Variants in CRPPA observed in about 807,000 individuals in gnomAD.
CRPPA encodes the protein D-ribitol-5-phosphate cytidylyltransferase.
In CRPPA, 43 loss-of-function variants were observed where a neutral mutation model predicts 52.0. That is an observed-to-expected ratio of 0.83 (90% CI 0.65 to 1.07). The LOEUF (loss-of-function observed/expected upper bound fraction) is 1.07. Ranked by LOEUF, CRPPA falls within the 50% of genes least tolerant of loss-of-function variation. CRPPA has a pLI of 0.00. For synonymous variants in CRPPA, 250 were observed against 203.5 expected (o/e 1.23, Z -1.94); for missense variants, 629 against 551.7 (o/e 1.14, Z -1.40).
intron 9 of CRPPA, among the ~76,000 whole-genome samples, chr7:16,175,309 C>A (rs1209982454): frequency 6.6e-6 from 1 of 152,074 alleles, no homozygotes; most frequent in African/African-American, 2.4e-5. Flanking sequence ...ACTATAAATA[C>A]AGTAGATTAA....
At chr7:16,272,904 T>C (rs1158837075) in intron 6 of CRPPA, among the ~76,000 whole-genome samples, 1 of 152,098 alleles carries the variant, frequency 6.6e-6, no homozygotes, top group Non-Finnish European at 1.5e-5. Flanking sequence ...GGGTTATTTT[T>C]TTTCCATTTA....
chr7:16,234,379 A>C (rs1185748798), intron 8 of CRPPA, among the ~76,000 whole-genome samples: 2 of 152,186 alleles, frequency 1.3e-5, no homozygotes, highest in African/African-American at 4.8e-5. Flanking sequence ...ATTTATTGAC[A>C]CAATAAGATG....
chr7:16,133,246 G>A (rs1249381551), intron 9 of CRPPA, among the ~76,000 whole-genome samples: 1 of 122,258 alleles, frequency 8.2e-6, no homozygotes, highest in Non-Finnish European at 1.9e-5. Context: ...GAACCCAGGA[G>A]GTGGAGGTTG....
At chr7:16,216,014 C>T in intron 9 of CRPPA, 52 bp downstream of exon 9, 2 of 1,370,136 alleles carry the variant, frequency 1.5e-6, no homozygotes, top group South Asian at 2.8e-5. Context: ...AGATACCTAC[C>T]ATTAAAACTA....
chr7:16,144,818 CAGA>C, intron 9 of CRPPA, among the ~76,000 whole-genome samples: 1 of 152,166 alleles, frequency 6.6e-6, no homozygotes, highest in Non-Finnish European at 1.5e-5. Flanking sequence ...GTCAACAGTG[CAGA>C]GCTAAGCAGT....
intron 9 of CRPPA, among the ~76,000 whole-genome samples, chr7:16,124,876 T>C (rs202064811): frequency 1.4e-5 from 2 of 146,124 alleles, no homozygotes; most frequent in East Asian, 4.1e-4. Flanking sequence ...AATAAAAAAA[T>C]ATATATAATC....
At chr7:16,222,297 G>A (rs1355950915) in intron 8 of CRPPA, among the ~76,000 whole-genome samples, 1 of 118,384 alleles carries the variant, frequency 8.4e-6, no homozygotes, top group South Asian at 3.4e-4. Flanking sequence ...ACTGTGTTGC[G>A]GTGGGGGGAG....
At chr7:16,398,716 G>T (rs1055692067) in intron 2 of CRPPA, among the ~76,000 whole-genome samples, 16 of 151,886 alleles carry the variant, frequency 1.1e-4, no homozygotes, top group Non-Finnish European at 2.9e-5. Context: ...CAACACGTGG[G>T]TGACACGTGA....
intron 8 of CRPPA, among the ~76,000 whole-genome samples, chr7:16,235,469 T>A (rs1427675912): frequency 6.6e-6 from 1 of 151,964 alleles, no homozygotes; most frequent in African/African-American, 2.4e-5. Flanking sequence ...AAAGTATGGG[T>A]CAAGCCTGGT....
chr7:16,222,803 T>A lies in CRPPA; in HGVS notation c.1120-6606A>T, dbSNP rs183312046. ...TCTACTGATCATTTTTAAAACATTT[T>A]AAAAATTTTTACTGATACATAATAC... On this transcript the variant is annotated intron_variant, in intron 8 of 9. Transcript: ENST00000407010. 1.0e-3 allele frequency among the ~76,000 whole-genome samples: 154 copies of A among 152,284 alleles called. 2 individuals are homozygous for A. The East Asian group carries it at 0.026, about 26-fold the overall frequency.
At chr7:16,249,990 G>A (rs1056381577) in intron 8 of CRPPA, among the ~76,000 whole-genome samples, 3 of 152,156 alleles carry the variant, frequency 2.0e-5, no homozygotes, top group African/African-American at 7.2e-5. Flanking sequence ...TTTAAAAAAG[G>A]TTAGACAAAT....
chr7:16,174,469 G>C (rs1261003218), intron 9 of CRPPA, among the ~76,000 whole-genome samples: 8 of 152,110 alleles, frequency 5.3e-5, no homozygotes, highest in Non-Finnish European at 1.0e-4. Context: ...ATAAGCAAAT[G>C]GCAGACTTGG....
In CRPPA at chr7:16,421,446, A is replaced by T; in HGVS notation, c.-124T>A. The stretch of plus-strand genomic sequence containing the variant: ...GGAGAGGGACGCAGAGCGCGCAAGC[A>T]GAAGGCGCCCCCCTCAGCCGTCGGA... On this transcript the variant is annotated 5_prime_UTR_variant, in exon 1 of 10. Transcript: ENST00000407010. 1 of 984,916 alleles carries T rather than the reference A, an allele frequency of 1.0e-6. No individual in the cohort carries two copies. The highest frequency in any genetic ancestry group is 1.3e-6 in the Non-Finnish European group (1 of 770,718). 61.0% of individuals were successfully genotyped at this position (984,916 alleles called of 1,614,324 possible).
intron 2 of CRPPA, among the ~76,000 whole-genome samples, chr7:16,390,850 G>A (rs1328029891): frequency 1.3e-5 from 2 of 152,100 alleles, no homozygotes; most frequent in Non-Finnish European, 2.9e-5. Context: ...AAGGTTACAG[G>A]TCCTCCTGCA....
chr7:16,304,305 C>T (rs1784858988), intron 4 of CRPPA, among the ~76,000 whole-genome samples: 1 of 152,030 alleles, frequency 6.6e-6, no homozygotes, highest in African/African-American at 2.4e-5. Flanking sequence ...ATTTTCTACC[C>T]TGCATGGTGT....
At chr7:16,346,484 C>G (rs1786017238) in intron 3 of CRPPA, among the ~76,000 whole-genome samples, 1 of 151,766 alleles carries the variant, frequency 6.6e-6, no homozygotes, top group Admixed American at 6.6e-5. Flanking sequence ...ACAGGTTCAG[C>G]ACCCATTCTG....
At chr7:16,242,466 T>C (rs1289237548) in intron 8 of CRPPA, among the ~76,000 whole-genome samples, 1 of 152,152 alleles carries the variant, frequency 6.6e-6, no homozygotes, top group Non-Finnish European at 1.5e-5. Flanking sequence ...AAAAAACTTT[T>C]AGAAAATCCT....
Position 16,343,515 on chromosome 7 carries a change from T to C in CRPPA, c.684+32577A>G, listed in dbSNP as rs539663022. ...ACCTGTCTCAAAGTTCCCTGCAAAATCTATTTCCCAATATATGTTTTTAGT... is the reference window on the plus strand; with the variant it reads ...ACCTGTCTCAAAGTTCCCTGCAAAACCTATTTCCCAATATATGTTTTTAGT... On this transcript the variant is annotated intron_variant, in intron 3 of 9. Coordinates refer to ENST00000407010, the MANE Select transcript of CRPPA (RefSeq NM_001101426.4). Among the ~76,000 whole-genome samples, 10 of 152,290 alleles carry C rather than the reference T, an allele frequency of 6.6e-5. No homozygotes were observed. The East Asian group carries it at 1.9e-3, about 29-fold the overall frequency.
chr7:16,163,588 T>C (rs1780968889), intron 9 of CRPPA, among the ~76,000 whole-genome samples: 2 of 152,176 alleles, frequency 1.3e-5, no homozygotes, highest in Non-Finnish European at 2.9e-5. Context: ...TGCCCATTAG[T>C]TGATGCAGTT....
Sources: allele counts gnomAD v4.1 joint callset (sites outside exome capture counted in the v4.1 genomes callset), GRCh38; gene constraint gnomAD v4.1.1; transcripts MANE v1.5; gene names NCBI Gene and HGNC (gene_info 2026-07-23, HGNC 2026-07-21).